Variants in UBR3 observed in about 807,000 individuals in gnomAD.
UBR3 encodes the protein ubiquitin protein ligase E3 component n-recognin 3, also known as E3 ubiquitin-protein ligase UBR3.
A neutral mutation model predicts 243.2 loss-of-function variants in UBR3; 85 were observed. The ratio of observed to expected loss-of-function variants is 0.35; its 90% CI spans 0.29 to 0.42. The LOEUF is 0.42. Among genes scored for constraint, UBR3 ranks in the 10% least tolerant of loss-of-function variants. UBR3 has a pLI of 1.00. For missense variants in UBR3, 1,686 were observed against 2,300.8 expected (o/e 0.73, Z 5.47); for synonymous variants, 748 against 799.8 (o/e 0.94, Z 1.09).
chr2:169,866,150 C>CAAAAAAAAAAAAAAA (rs578054467), intron 1 of UBR3, among the ~76,000 whole-genome samples: 1 of 53,380 alleles, frequency 1.9e-5, no homozygotes, highest in African/African-American at 1.1e-4. Flanking sequence ...GACTGTGTCT[C>CAAAAAAAAAAAAAAA]AAAAAAAAAA....
At chr2:169,970,355 G>T (rs2088065209) in intron 24 of UBR3, among the ~76,000 whole-genome samples, 1 of 144,130 alleles carries the variant, frequency 6.9e-6, no homozygotes, top group Non-Finnish European at 1.5e-5. Flanking sequence ...TAAGTTCTAG[G>T]GTACATGTGC....
chr2:169,849,769 T>G (rs1226601534), intron 1 of UBR3, among the ~76,000 whole-genome samples: 2 of 152,232 alleles, frequency 1.3e-5, no homozygotes, highest in African/African-American at 4.8e-5. Context: ...TAACTTTTTA[T>G]TCCAAAGGTA....
chr2:169,989,656 A>G (rs1401009642), intron 25 of UBR3, among the ~76,000 whole-genome samples: 1 of 152,192 alleles, frequency 6.6e-6, no homozygotes, highest in Non-Finnish European at 1.5e-5. Context: ...GATACAGATT[A>G]CACAGGAAAG....
chr2:169,969,548 C>CT (rs199918460), intron 24 of UBR3, among the ~76,000 whole-genome samples: 40,366 of 134,072 alleles, frequency 0.3, 6,671 homozygotes, highest in African/African-American at 0.43. Context: ...CCATTTGTGT[C>CT]TTTTTTTTTT....
intron 33 of UBR3, among the ~76,000 whole-genome samples, chr2:170,056,541 T>C (rs1202086380): frequency 1.3e-5 from 2 of 152,108 alleles, no homozygotes; most frequent in African/African-American, 4.8e-5. Flanking sequence ...AAGAAGAAAA[T>C]TGCTTCAGTG....
chr2:169,987,871 C>T (rs1232079215), intron 25 of UBR3, among the ~76,000 whole-genome samples: 3 of 148,468 alleles, frequency 2.0e-5, no homozygotes, highest in Non-Finnish European at 4.5e-5. Context: ...GGTTTACTTA[C>T]TGTGGCCAAA....
At chr2:170,019,005 G>A (rs1006175351) in intron 30 of UBR3, among the ~76,000 whole-genome samples, 4 of 152,068 alleles carry the variant, frequency 2.6e-5, no homozygotes, top group Admixed American at 6.6e-5. Context: ...ATTAATATTG[G>A]AGCATAATAT....
chr2:169,997,564 G>A (rs979906046), intron 26 of UBR3, among the ~76,000 whole-genome samples: 11 of 152,056 alleles, frequency 7.2e-5, no homozygotes, highest in African/African-American at 1.2e-4. Context: ...TTTCATTTCC[G>A]CTACCCACAG....
chr2:169,890,569 A>ATATATATATATGTATATATATG (rs2084322380), intron 5 of UBR3, among the ~76,000 whole-genome samples: 1 of 101,574 alleles, frequency 9.8e-6, no homozygotes, highest in African/African-American at 4.1e-5. Context: ...ATATATGTGT[A>ATATATATATATGTATATATATG]TATATATATA....
intron 27 of UBR3, among the ~76,000 whole-genome samples, chr2:170,002,083 A>G (rs969717241): frequency 1.1e-4 from 17 of 152,088 alleles, no homozygotes; most frequent in African/African-American, 3.9e-4. Context: ...CTTCACTCTC[A>G]TTATTGTGAT....
intron 11 of UBR3, among the ~76,000 whole-genome samples, chr2:169,920,771 TC>T (rs1271632923): frequency 6.6e-6 from 1 of 152,186 alleles, no homozygotes; most frequent in African/African-American, 2.4e-5. Context: ...GGGGTAGATG[TC>T]CCCTGCCCTG....
rs762361969 is a variant in UBR3, at chr2:169,906,086, C to G, written c.1701C>G (p.Thr567=). Residue 567 remains threonine, a synonymous_variant, in exon 10 of 39, where the codon ACC becomes ACG. Coordinates refer to ENST00000272793, the MANE Select transcript of UBR3 (RefSeq NM_172070.4). Reference sequence around the variant, plus strand: ...AGCATGTGGAATTTGAGTCTCAGACCTACTATGCTGCCTTTGCTGCTGAAC... The same window carrying G: ...AGCATGTGGAATTTGAGTCTCAGACGTACTATGCTGCCTTTGCTGCTGAAC... The part of the protein sequence containing the change: ...LNEHVEFESQ[T]YYAAFAAELE... 8.4e-6 allele frequency: 13 copies of G among 1,551,392 alleles called. No homozygotes were observed. Among genetic ancestry groups the G allele is most frequent in the Non-Finnish European group, 1.1e-5 (13 of 1,146,840 alleles).
chr2:169,896,435 A>T, intron 7 of UBR3, 72 bp from the exon 8 acceptor site: 1 of 961,808 alleles, frequency 1.0e-6, no homozygotes, highest in Non-Finnish European at 1.5e-6. Flanking sequence ...TGTTAACATG[A>T]TATATTGAAA....
At chr2:169,988,374 G>A (rs1175107148) in intron 25 of UBR3, among the ~76,000 whole-genome samples, 1 of 152,022 alleles carries the variant, frequency 6.6e-6, no homozygotes, top group Admixed American at 6.6e-5. Context: ...ATTATTTTAT[G>A]TTTTTAAGTT....
At chr2:169,995,377 G>A (rs2089441576) in intron 26 of UBR3, among the ~76,000 whole-genome samples, 1 of 152,102 alleles carries the variant, frequency 6.6e-6, no homozygotes, top group Admixed American at 6.5e-5. Context: ...TTTCTCAAAT[G>A]TATGCATACT....
chr2:170,042,445 G>A (rs2090991447), intron 32 of UBR3, among the ~76,000 whole-genome samples: 1 of 151,862 alleles, frequency 6.6e-6, no homozygotes. Context: ...AGAAGTTTTT[G>A]TTTGAGGCCA....
intron 31 of UBR3, among the ~76,000 whole-genome samples, chr2:170,039,962 G>C (rs1375470893): frequency 2.0e-5 from 3 of 152,030 alleles, no homozygotes; most frequent in Non-Finnish European, 4.4e-5. Flanking sequence ...TTGAACTCCT[G>C]ATTTCAAGTG....
At chr2:169,934,100 G>A (rs999871601) in intron 19 of UBR3, among the ~76,000 whole-genome samples, 1 of 151,978 alleles carries the variant, frequency 6.6e-6, no homozygotes, top group Non-Finnish European at 1.5e-5. Context: ...TCTGTATCTC[G>A]TCTACATCTT....
At chr2:169,917,668 A>G (rs1559091824) in intron 11 of UBR3, among the ~76,000 whole-genome samples, 1 of 152,212 alleles carries the variant, frequency 6.6e-6, no homozygotes, top group Non-Finnish European at 1.5e-5. Context: ...AATTAAGTAT[A>G]GAACTTAAAG....
Sources: gnomAD v4.1 joint callset for allele counts (sites outside exome capture counted in the v4.1 genomes callset) on GRCh38, gnomAD v4.1.1 for gene constraint, MANE v1.5 for transcripts, NCBI Gene and HGNC (gene_info 2026-07-23, HGNC 2026-07-21) for gene names.